ST7: variants seen among roughly 807,000 people sequenced by gnomAD.
ST7 encodes suppressor of tumorigenicity 7 protein.
ST7 carries 28 observed loss-of-function variants against 78.7 expected under a neutral mutation model. The observed-to-expected ratio is 0.36, with a 90% CI of 0.26 to 0.49. ST7 has a LOEUF of 0.49. Among genes scored for constraint, ST7 ranks in the 20% least tolerant of loss-of-function variants. The pLI is 0.99. For synonymous variants in ST7, 247 were observed against 249.6 expected, an observed-to-expected ratio of 0.99 and a Z score of 0.10; for missense variants, 418 against 696.0, an observed-to-expected ratio of 0.60 and a Z score of 4.49.
chr7:117,005,135 T>C (rs1418292780), intron 1 of ST7, among the ~76,000 whole-genome samples: 2 of 152,244 alleles, frequency 1.3e-5, no homozygotes, highest in Admixed American at 1.3e-4. Context: ...TAGAATCTTT[T>C]ACATTCCCAG....
chr7:117,079,480 A>G (rs1166505579), intron 1 of ST7, among the ~76,000 whole-genome samples: 1 of 152,242 alleles, frequency 6.6e-6, no homozygotes, highest in Non-Finnish European at 1.5e-5. Flanking sequence ...ACATATACAC[A>G]TATAAATACT....
intron 3 of ST7, among the ~76,000 whole-genome samples, chr7:117,120,447 A>G (rs924940852): frequency 1.3e-5 from 2 of 152,232 alleles, no homozygotes; most frequent in Non-Finnish European, 2.9e-5. Flanking sequence ...GATAAGGCCC[A>G]GGTTCCAGAT....
intron 2 of ST7, among the ~76,000 whole-genome samples, chr7:117,115,016 T>C (rs959557564): frequency 6.6e-5 from 10 of 152,164 alleles, no homozygotes; most frequent in Non-Finnish European, 1.3e-4. Context: ...TCACTGGGCA[T>C]TGGTAACTGG....
chr7:117,129,868 G>A (rs150914345), intron 4 of ST7, 21 bp downstream of exon 4: 8 of 1,599,560 alleles, frequency 5.0e-6, no homozygotes, highest in Middle Eastern at 1.7e-4. Context: ...TGACAGCTTG[G>A]GAAACAAATG....
intron 2 of ST7, among the ~76,000 whole-genome samples, chr7:117,118,718 T>C (rs1803114919): frequency 6.6e-6 from 1 of 152,122 alleles, no homozygotes; most frequent in Non-Finnish European, 1.5e-5. Context: ...GAGAACCGCT[T>C]TGAGCAGTGG....
intron 5 of ST7, 124 bp downstream of exon 5, chr7:117,130,730 T>C (rs1190547466): frequency 1.6e-6 from 1 of 612,528 alleles, no homozygotes; most frequent in East Asian, 3.0e-5. Flanking sequence ...GTTGATTGAC[T>C]AATAAGAACC....
rs778702414 is a variant in ST7, at chr7:117,118,980, G to C, written c.235-581G>C. On this transcript the variant is annotated intron_variant, in intron 2 of 15. Transcript: ENST00000323984. The stretch of plus-strand genomic sequence containing the variant: ...TTTATAGAGCACTTCTCTGCAAGTG[G>C]AATAATGCTGAACCTCAGTGGCTGG... Among the ~76,000 whole-genome samples, 14 of 152,182 alleles carry C rather than the reference G, an allele frequency of 9.2e-5. No individual in the cohort carries two copies. The East Asian group carries it at 1.7e-3, about 19-fold the overall frequency.
At chr7:117,181,688 A>G (rs2117328852) in intron 10 of ST7, among the ~76,000 whole-genome samples, 1 of 152,306 alleles carries the variant, frequency 6.6e-6, no homozygotes, top group African/African-American at 2.4e-5. Context: ...CAAATCCTGG[A>G]AATAATTATG....
At chr7:117,069,489 A>C (rs1319128445) in intron 1 of ST7, among the ~76,000 whole-genome samples, 1 of 152,222 alleles carries the variant, frequency 6.6e-6, no homozygotes, top group Non-Finnish European at 1.5e-5. Flanking sequence ...CATTCCAAAT[A>C]GGAGCTTGAT....
intron 10 of ST7, among the ~76,000 whole-genome samples, chr7:117,183,585 T>G (rs1808966405): frequency 6.6e-6 from 1 of 152,154 alleles, no homozygotes; most frequent in Non-Finnish European, 1.5e-5. Flanking sequence ...GGTTGCCTCA[T>G]ACTCCCTTCT....
At chr7:117,143,684 C>T (rs552287151) in intron 9 of ST7, among the ~76,000 whole-genome samples, 1 of 152,238 alleles carries the variant, frequency 6.6e-6, no homozygotes, top group South Asian at 2.1e-4. Context: ...CTACAACCAC[C>T]TGTATCAGAA....
intron 1 of ST7, among the ~76,000 whole-genome samples, chr7:116,979,587 T>A (rs1793854973): frequency 6.6e-6 from 1 of 152,178 alleles, no homozygotes; most frequent in African/African-American, 2.4e-5. Context: ...TACGTTAAGT[T>A]ACTAAATCCC....
intron 1 of ST7, among the ~76,000 whole-genome samples, chr7:116,998,068 C>T (rs1047582098): frequency 2.7e-4 from 41 of 152,316 alleles, no homozygotes; most frequent in Non-Finnish European, 5.0e-4. Context: ...CGGGGATGCT[C>T]GGGCTGCACA....
chr7:117,035,115 G>A (rs1305667320), intron 1 of ST7, among the ~76,000 whole-genome samples: 2 of 86,916 alleles, frequency 2.3e-5, no homozygotes, highest in Non-Finnish European at 4.2e-5. Flanking sequence ...TGGCAAGCTG[G>A]GCAGTTTTTT....
chr7:117,050,954 A>G (rs2067367735), intron 1 of ST7, among the ~76,000 whole-genome samples: 1 of 151,992 alleles, frequency 6.6e-6, no homozygotes, highest in Non-Finnish European at 1.5e-5. Flanking sequence ...AAGAAAAGAA[A>G]ATATTTTCAG....
chr7:117,069,897 T>G (rs1010046724), intron 1 of ST7, among the ~76,000 whole-genome samples: 1 of 152,236 alleles, frequency 6.6e-6, no homozygotes, highest in Admixed American at 6.5e-5. Flanking sequence ...GCTGAAACAC[T>G]GTACCCTTGA....
In ST7 at chr7:117,126,472, G is replaced by C. The variant is rs1398636909; in HGVS notation, c.395-3321G>C. ...CCCTCTGTAGAGCTTCTTCAGGTGG[G>C]TGCCAGTTAGTTCAATACCCTTTTC... On this transcript the variant is annotated intron_variant, in intron 3 of 15. Transcript: ENST00000323984. 2.0e-5 allele frequency among the ~76,000 whole-genome samples: 3 copies of C among 151,816 alleles called. 1 individual carries two copies. Among genetic ancestry groups the C allele is most frequent in the African/African-American group, 7.3e-5 (3 of 41,352 alleles).
intron 1 of ST7, among the ~76,000 whole-genome samples, chr7:116,962,293 A>C (rs143958580): frequency 5.3e-5 from 8 of 152,280 alleles, no homozygotes; most frequent in Admixed American, 4.6e-4. Context: ...TTCTTTGGGT[A>C]TATACCTAGT....
chr7:117,039,297 G>A (rs567481681), intron 1 of ST7, among the ~76,000 whole-genome samples: 131 of 152,244 alleles, frequency 8.6e-4, no homozygotes, highest in Non-Finnish European at 1.2e-3. Flanking sequence ...AAAAATATTG[G>A]CTGGGTATGA....
Sources: allele counts gnomAD v4.1 joint callset (sites outside exome capture counted in the v4.1 genomes callset), GRCh38; gene constraint gnomAD v4.1.1; transcripts MANE v1.5; gene names NCBI Gene and HGNC (gene_info 2026-07-23, HGNC 2026-07-21).